STX7: variants seen among roughly 807,000 people sequenced by gnomAD.
The protein encoded by STX7 is syntaxin 7, also known as syntaxin-7.
STX7 carries 34 observed loss-of-function variants against 39.6 expected under a neutral mutation model. The ratio of observed to expected loss-of-function variants is 0.86; its 90% CI spans 0.65 to 1.14. The LOEUF (loss-of-function observed/expected upper bound fraction) is 1.14. Among genes scored for constraint, STX7 ranks in the 50% most tolerant of loss-of-function variants. STX7 has a pLI of 0.00. For synonymous variants in STX7, 119 were observed against 99.1 expected (o/e 1.20, Z -1.19); for missense variants, 284 against 310.4 (o/e 0.92, Z 0.64).
intron 2 of STX7, among the ~76,000 whole-genome samples, chr6:132,477,320 C>T (rs748347693): frequency 6.6e-6 from 1 of 151,868 alleles, no homozygotes; most frequent in African/African-American, 2.4e-5. Context: ...TTTTCTTAAG[C>T]GTATTGATAA....
intron 2 of STX7, among the ~76,000 whole-genome samples, chr6:132,480,421 A>G (rs1347827491): frequency 6.6e-6 from 1 of 152,206 alleles, no homozygotes; most frequent in Admixed American, 6.5e-5. Flanking sequence ...AGGTCGAAGT[A>G]AAGTCCAATA....
In STX7 at chr6:132,449,633, T is replaced by A. The variant is rs1774096916; in HGVS notation, c.*11125A>T. The A allele has an allele frequency of 6.6e-6, 1 of 152,206 alleles. No homozygotes were observed. Among genetic ancestry groups the A allele is most frequent in the South Asian group, 2.1e-4 (1 of 4,826 alleles). The allele number at this position is 152,206 out of a possible 1,614,324, so 9.4% of individuals were successfully genotyped here. A position where few individuals can be genotyped will look rare whatever the true frequency, so the allele number is the denominator to read the frequency against. ...TCAGTTAAAACTTGATAGTCAACAATTCCTTTAGTTGTGGTGAATCTGCTC... is the reference window on the plus strand; with the variant it reads ...TCAGTTAAAACTTGATAGTCAACAAATCCTTTAGTTGTGGTGAATCTGCTC... On this transcript the variant is annotated 3_prime_UTR_variant, in exon 10 of 10. Coordinates refer to ENST00000367941, the MANE Select transcript of STX7 (RefSeq NM_003569.3).
chr6:132,498,947 A>G (rs1474930143), intron 2 of STX7, among the ~76,000 whole-genome samples: 1 of 152,144 alleles, frequency 6.6e-6, no homozygotes, highest in Non-Finnish European at 1.5e-5. Flanking sequence ...TGTATACTCA[A>G]CACATTTGCT....
At chr6:132,478,180 T>C (rs2114399627) in intron 2 of STX7, among the ~76,000 whole-genome samples, 1 of 151,666 alleles carries the variant, frequency 6.6e-6, no homozygotes, top group South Asian at 2.1e-4. Context: ...ATCCCAGAAC[T>C]TAAAGTATAA....
rs1384524769 is a variant in STX7 at position 132,513,029 on chromosome 6, T to C, written c.-81A>G. 1 of 152,256 alleles carries C rather than the reference T, an allele frequency of 6.6e-6. No individual in the cohort carries two copies. The highest frequency in any genetic ancestry group is 2.4e-5 in the African/African-American group (1 of 41,450). The allele number at this position is 152,256 out of a possible 1,614,324, so 9.4% of individuals were successfully genotyped here. On this transcript the variant is annotated 5_prime_UTR_variant, in exon 1 of 10. Coordinates refer to ENST00000367941, the MANE Select transcript of STX7 (RefSeq NM_003569.3). Reference sequence around the variant, plus strand: ...TACCTGGACCTCCACGGCTCCCTCCTACACCTCCGACCGCCGTCACCCACC... The same window carrying C: ...TACCTGGACCTCCACGGCTCCCTCCCACACCTCCGACCGCCGTCACCCACC...
At chr6:132,495,294 A>G (rs1775396697) in intron 2 of STX7, among the ~76,000 whole-genome samples, 1 of 152,224 alleles carries the variant, frequency 6.6e-6, no homozygotes, top group Non-Finnish European at 1.5e-5. Context: ...CTTGGACAAG[A>G]TAGCAACTTT....
At chr6:132,505,060 G>T (rs145804956) in intron 1 of STX7, among the ~76,000 whole-genome samples, 1 of 152,178 alleles carries the variant, frequency 6.6e-6, no homozygotes, top group Non-Finnish European at 1.5e-5. Flanking sequence ...AACATTTCTC[G>T]CACATCTGCG....
intron 1 of STX7, among the ~76,000 whole-genome samples, chr6:132,506,232 C>CA (rs570716692): frequency 6.6e-6 from 1 of 151,826 alleles, no homozygotes; most frequent in African/African-American, 2.4e-5. Context: ...GGCAACAAGA[C>CA]AAAAAACAGA....
intron 3 of STX7, among the ~76,000 whole-genome samples, chr6:132,474,401 C>T (rs1196121528): frequency 6.6e-6 from 1 of 151,942 alleles, no homozygotes; most frequent in Non-Finnish European, 1.5e-5. Flanking sequence ...TTTTACCATT[C>T]TGACACTTAC....
In STX7 at chr6:132,459,531, T is replaced by C. The variant is rs951787043; in HGVS notation, c.*1227A>G. The stretch of plus-strand genomic sequence containing the variant: ...AACCAGATACCTTTTAACTCATCTT[T>C]ATTTTGGTTGCAAAGATGTGGTTTA... On this transcript the variant is annotated 3_prime_UTR_variant, in exon 10 of 10. Transcript: ENST00000367941. 1 of 152,220 alleles carries C rather than the reference T, an allele frequency of 6.6e-6. No homozygotes were observed. The highest frequency in any genetic ancestry group is 6.5e-5 in the Admixed American group (1 of 15,282). The allele number at this position is 152,220 out of a possible 1,614,324, so 9.4% of individuals were successfully genotyped here.
rs551473974 is a variant in STX7 at position 132,448,427 on chromosome 6, T to C, written c.*12331A>G. On this transcript the variant is annotated 3_prime_UTR_variant, in exon 10 of 10. Coordinates refer to ENST00000367941, the MANE Select transcript of STX7 (RefSeq NM_003569.3). ...CATTTTGAGAAAAAAGTGTTTTTAA[T>C]ATACCCTTGATTTTGAAAGATAATT... 1 of 152,330 alleles carries C rather than the reference T, an allele frequency of 6.6e-6. No individual in the cohort carries two copies. The highest frequency in any genetic ancestry group is 2.1e-4 in the South Asian group (1 of 4,830). The allele number at this position is 152,330 out of a possible 1,614,324, so 9.4% of individuals were successfully genotyped here.
chr6:132,483,887 A>G (rs1219159622), intron 2 of STX7, among the ~76,000 whole-genome samples: 1 of 152,226 alleles, frequency 6.6e-6, no homozygotes, highest in Non-Finnish European at 1.5e-5. Context: ...CTTTCTCCCA[A>G]GTCCAGTCTG....
rs968034340 is a variant in STX7 at position 132,447,244 on chromosome 6, G to C, written c.*13514C>G. On this transcript the variant is annotated 3_prime_UTR_variant, in exon 10 of 10. Coordinates refer to ENST00000367941, the MANE Select transcript of STX7 (RefSeq NM_003569.3). ...AGACATTGATTAGCTGACTGACATA[G>C]AGCGTTTCTTATCAGTCAACAAAAC... 4 of 152,148 alleles carry C rather than the reference G, an allele frequency of 2.6e-5. No individual in the cohort carries two copies. The highest frequency in any genetic ancestry group is 2.6e-4 in the Admixed American group (4 of 15,268). 9.4% of individuals were successfully genotyped at this position (152,148 alleles called of 1,614,324 possible). A position where few individuals can be genotyped will look rare whatever the true frequency, so the allele number is the denominator to read the frequency against.
At chr6:132,501,532 T>C (rs1775558682) in intron 2 of STX7, among the ~76,000 whole-genome samples, 1 of 152,210 alleles carries the variant, frequency 6.6e-6, no homozygotes, top group Admixed American at 6.5e-5. Flanking sequence ...ATCTCTTTCT[T>C]AGGGAACATG....
intron 1 of STX7, among the ~76,000 whole-genome samples, chr6:132,505,692 G>A (rs1213775292): frequency 7.3e-6 from 1 of 136,728 alleles, no homozygotes; most frequent in Non-Finnish European, 1.5e-5. Context: ...AACACCATCC[G>A]GAACATCCTT....
intron 1 of STX7, among the ~76,000 whole-genome samples, chr6:132,511,883 G>T (rs1775853793): frequency 6.6e-6 from 1 of 152,102 alleles, no homozygotes; most frequent in Non-Finnish European, 1.5e-5. Context: ...AATAAGGATT[G>T]ATTTTGTTAT....
intron 1 of STX7, among the ~76,000 whole-genome samples, chr6:132,504,459 G>T (rs1436067759): frequency 2.6e-5 from 4 of 152,248 alleles, no homozygotes; most frequent in African/African-American, 9.6e-5. Context: ...TGGAAAGAAG[G>T]TTGAAAAGGA....
chr6:132,482,251 C>A (rs539540533), intron 2 of STX7, among the ~76,000 whole-genome samples: 4 of 152,150 alleles, frequency 2.6e-5, no homozygotes, highest in Non-Finnish European at 5.9e-5. Context: ...GCATCTGCTA[C>A]GTACCAGGCA....
intron 2 of STX7, among the ~76,000 whole-genome samples, chr6:132,482,576 A>G (rs1775039298): frequency 6.6e-6 from 1 of 152,242 alleles, no homozygotes; most frequent in Non-Finnish European, 1.5e-5. Context: ...TGCTAAAAGG[A>G]CTGAAAGTAA....
Sources: gnomAD v4.1 joint callset for allele counts (sites outside exome capture counted in the v4.1 genomes callset) on GRCh38, gnomAD v4.1.1 for gene constraint, MANE v1.5 for transcripts, NCBI Gene and HGNC (gene_info 2026-07-23, HGNC 2026-07-21) for gene names.